Variants in DLG2 observed in about 807,000 individuals in gnomAD.
The protein encoded by DLG2 is discs large MAGUK scaffold protein 2.
In DLG2, 45 loss-of-function variants were observed where a neutral mutation model predicts 132.5. The ratio of observed to expected loss-of-function variants is 0.34; its 90% CI spans 0.27 to 0.44. The LOEUF is 0.44. Among genes scored for constraint, DLG2 ranks in the 20% least tolerant of loss-of-function variants. DLG2 has a pLI of 1.00. For synonymous variants in DLG2, 424 were observed against 419.6 expected, an observed-to-expected ratio of 1.01 and a Z score of -0.13; for missense variants, 1,045 against 1,196.9, an observed-to-expected ratio of 0.87 and a Z score of 1.87.
At position 85,457,364 on chromosome 11, in the gene DLG2, T is replaced by C. The variant is rs555310093; in HGVS notation, c.40+141293A>G. The stretch of plus-strand genomic sequence containing the variant: ...TGAGATGGGTCTCCTGAAGACAGCA[T>C]ACCATTAGGTCTTGCTTCTTTATCC... On this transcript the variant is annotated intron_variant, in intron 3 of 27. Coordinates refer to ENST00000376104, the MANE Select transcript of DLG2 (RefSeq NM_001142699.3). Among the ~76,000 whole-genome samples, 36 of 152,264 alleles carry C rather than the reference T, an allele frequency of 2.4e-4. No individual in the cohort carries two copies. The South Asian group carries it at 6.6e-3, about 28-fold the overall frequency.
At chr11:83,935,117 T>C (rs1591375259) in intron 14 of DLG2, among the ~76,000 whole-genome samples, 1 of 152,212 alleles carries the variant, frequency 6.6e-6, no homozygotes, top group East Asian at 1.9e-4. Context: ...CCGCATGCCC[T>C]GTATTTGCAG....
intron 6 of DLG2, among the ~76,000 whole-genome samples, chr11:84,916,114 G>A (rs1303972628): frequency 6.6e-6 from 1 of 151,984 alleles, no homozygotes; most frequent in African/African-American, 2.4e-5. Flanking sequence ...GGGAGGCCGA[G>A]GCGGGCGGAT....
At chr11:84,136,027 G>A (rs1243564020) in intron 9 of DLG2, among the ~76,000 whole-genome samples, 3 of 152,066 alleles carry the variant, frequency 2.0e-5, no homozygotes, top group Admixed American at 6.6e-5. Flanking sequence ...CTGACTAGAC[G>A]CAAACAGTGA....
chr11:84,830,950 C>T (rs1293369342), intron 6 of DLG2, among the ~76,000 whole-genome samples: 2 of 81,592 alleles, frequency 2.5e-5, no homozygotes, highest in Non-Finnish European at 6.2e-5. Flanking sequence ...TCTCTCTCTC[C>T]TCCCCCCACC....
At chr11:84,638,709 G>C (rs578233584) in intron 6 of DLG2, among the ~76,000 whole-genome samples, 2 of 152,262 alleles carry the variant, frequency 1.3e-5, no homozygotes, top group African/African-American at 4.8e-5. Flanking sequence ...AAATATTCCA[G>C]AGACTCCATA....
chr11:85,574,358 A>G (rs950667678), intron 3 of DLG2, among the ~76,000 whole-genome samples: 2 of 151,774 alleles, frequency 1.3e-5, no homozygotes, highest in South Asian at 2.1e-4. Flanking sequence ...CTACCCCCCA[A>G]ATATGCTGCT....
chr11:85,440,278 T>C (rs868528330), intron 3 of DLG2, among the ~76,000 whole-genome samples: 1 of 152,216 alleles, frequency 6.6e-6, no homozygotes, highest in Non-Finnish European at 1.5e-5. Context: ...GTGTCTCAGT[T>C]TCCTTATCTG....
intron 3 of DLG2, among the ~76,000 whole-genome samples, chr11:85,533,704 C>T (rs1449364460): frequency 2.0e-5 from 3 of 152,020 alleles, no homozygotes; most frequent in Admixed American, 2.0e-4. Flanking sequence ...GCACTTCTTT[C>T]CCCTTATTGG....
At chr11:85,511,616 T>C (rs1488770290) in intron 3 of DLG2, among the ~76,000 whole-genome samples, 5 of 152,098 alleles carry the variant, frequency 3.3e-5, no homozygotes, top group African/African-American at 1.2e-4. Context: ...GGACTATGCA[T>C]GTCTTGGAAA....
intron 7 of DLG2, among the ~76,000 whole-genome samples, chr11:84,396,588 C>T (rs567600350): frequency 2.8e-4 from 43 of 152,226 alleles, no homozygotes; most frequent in African/African-American, 8.9e-4. Context: ...TATGTGCATA[C>T]GTCAAAGAGA....
chr11:84,634,899 G>T (rs1473802429), intron 6 of DLG2, among the ~76,000 whole-genome samples: 2 of 152,162 alleles, frequency 1.3e-5, no homozygotes, highest in African/African-American at 2.4e-5. Flanking sequence ...GGAGCACAAA[G>T]TGGGAAATAC....
At position 85,601,930 on chromosome 11, in the gene DLG2, C is replaced by T. The variant is rs569999729; in HGVS notation, c.-92-3142G>A. Among the ~76,000 whole-genome samples, 35 of 152,210 alleles carry T rather than the reference C, an allele frequency of 2.3e-4. 1 individual carries two copies. The highest frequency in any genetic ancestry group is 1.8e-3 in the Admixed American group (27 of 15,286). On this transcript the variant is annotated intron_variant, in intron 2 of 27. Coordinates refer to ENST00000376104, the MANE Select transcript of DLG2 (RefSeq NM_001142699.3). Reference sequence around the variant, plus strand: ...TTTCCTTGATAATCTTATCTAATTCCGTAGTTTTAAATATTACCAGCACCC... The same window carrying T: ...TTTCCTTGATAATCTTATCTAATTCTGTAGTTTTAAATATTACCAGCACCC...
At chr11:83,469,018 T>C (rs1483263239) in intron 25 of DLG2, among the ~76,000 whole-genome samples, 183 bp downstream of exon 25, 3 of 152,100 alleles carry the variant, frequency 2.0e-5, no homozygotes, top group Non-Finnish European at 4.4e-5. Context: ...GAATACTTTA[T>C]TGAAATTAGA....
At chr11:84,148,467 A>T (rs1472783243) in intron 9 of DLG2, among the ~76,000 whole-genome samples, 1 of 152,110 alleles carries the variant, frequency 6.6e-6, no homozygotes, top group Non-Finnish European at 1.5e-5. Context: ...TATAAGTGAG[A>T]ACACACAGTA....
intron 7 of DLG2, among the ~76,000 whole-genome samples, chr11:84,423,941 A>G (rs1421484453): frequency 6.6e-6 from 1 of 152,176 alleles, no homozygotes; most frequent in Non-Finnish European, 1.5e-5. Flanking sequence ...GCAGAAAAAC[A>G]CATTGAAGTA....
intron 7 of DLG2, among the ~76,000 whole-genome samples, chr11:84,449,936 T>C (rs1209003338): frequency 6.6e-6 from 1 of 151,920 alleles, no homozygotes; most frequent in Non-Finnish European, 1.5e-5. Context: ...AATTTTTAAG[T>C]AATTACATTA....
intron 3 of DLG2, among the ~76,000 whole-genome samples, chr11:85,596,068 C>T (rs1174275731): frequency 6.6e-6 from 1 of 151,944 alleles, no homozygotes; most frequent in Non-Finnish European, 1.5e-5. Flanking sequence ...GCCTGGGAAA[C>T]ATAGCGAGAC....
intron 9 of DLG2, among the ~76,000 whole-genome samples, chr11:84,149,340 T>C (rs1249496630): frequency 1.3e-5 from 2 of 152,194 alleles, no homozygotes; most frequent in Non-Finnish European, 2.9e-5. Context: ...TTAGGATTTT[T>C]ATAGTTTGAG....
At chr11:84,223,879 G>T (rs2096952247) in intron 8 of DLG2, among the ~76,000 whole-genome samples, 1 of 152,110 alleles carries the variant, frequency 6.6e-6, no homozygotes, top group African/African-American at 2.4e-5. Flanking sequence ...TTTTAATCAT[G>T]CACAAATATA....
Sources: gnomAD v4.1 joint callset for allele counts (sites outside exome capture counted in the v4.1 genomes callset) on GRCh38, gnomAD v4.1.1 for gene constraint, MANE v1.5 for transcripts, NCBI Gene and HGNC (gene_info 2026-07-23, HGNC 2026-07-21) for gene names.